SIPA1L1: variants seen among roughly 807,000 people sequenced by gnomAD.
SIPA1L1 encodes signal induced proliferation associated 1 like 1.
SIPA1L1 carries 26 observed loss-of-function variants against 162.7 expected under a neutral mutation model. The observed-to-expected ratio is 0.16, with a 90% CI of 0.12 to 0.22. The LOEUF is 0.22. SIPA1L1 is among the 10% of genes least tolerant of loss of function. SIPA1L1 has a pLI of 1.00. For synonymous variants in SIPA1L1, 829 were observed against 837.4 expected, an observed-to-expected ratio of 0.99 and a Z score of 0.17; for missense variants, 1,874 against 2,241.0, an observed-to-expected ratio of 0.84 and a Z score of 3.31.
At chr14:71,733,626 C>T in intron 20 of SIPA1L1, 40 bp from the exon 21 acceptor site, 1 of 1,600,634 alleles carries the variant, frequency 6.2e-7, no homozygotes. Context: ...GGCTCTTCCA[C>T]AGGCACAAGA....
chr14:71,705,188 T>C (rs1461666270), intron 15 of SIPA1L1, 34 bp from the exon 16 acceptor site: 3 of 1,458,674 alleles, frequency 2.1e-6, no homozygotes, highest in Non-Finnish European at 1.9e-6. Context: ...TTCTGCTTAG[T>C]GCCTGCACCA....
Position 71,660,032 on chromosome 14 carries a change from G to GA in SIPA1L1, c.2098-1273dup, listed in dbSNP as rs527951263. ...TTTTCATTATATGTAGTATAAGATG[G>GA]AAAAATGGATTTGTTTCTATTTGGG... is the stretch of plus-strand genomic sequence containing the variant. On this transcript the variant is annotated intron_variant, in intron 9 of 23. Coordinates refer to ENST00000381232, the MANE Select transcript of SIPA1L1 (RefSeq NM_001386936.1). 6.2e-4 allele frequency among the ~76,000 whole-genome samples: 94 copies of GA among 151,960 alleles called. 1 individual carries two copies. The highest frequency in any genetic ancestry group is 2.1e-3 in the African/African-American group (87 of 41,482).
chr14:71,519,101 A>T (rs1157268077), intron 3 of SIPA1L1, among the ~76,000 whole-genome samples: 4 of 152,092 alleles, frequency 2.6e-5, no homozygotes, highest in Non-Finnish European at 5.9e-5. Flanking sequence ...TTCAGTGGGG[A>T]CACAGTCAAA....
intron 5 of SIPA1L1, among the ~76,000 whole-genome samples, chr14:71,599,403 C>T (rs375966869): frequency 1.5e-4 from 22 of 151,132 alleles, no homozygotes; most frequent in Admixed American, 3.3e-4. Context: ...CCACCCGCCT[C>T]GGCCTCGCAA....
chr14:71,509,132 C>T (rs1452521244), intron 2 of SIPA1L1, among the ~76,000 whole-genome samples: 1 of 152,156 alleles, frequency 6.6e-6, no homozygotes, highest in East Asian at 1.9e-4. Flanking sequence ...TCTCTTGGCC[C>T]TATGGGGTTT....
intron 2 of SIPA1L1, among the ~76,000 whole-genome samples, chr14:71,337,887 A>G (rs1009310078): frequency 6.6e-6 from 1 of 152,188 alleles, no homozygotes; most frequent in African/African-American, 2.4e-5. Context: ...TCGAGGCTGC[A>G]GTGAGCAGAG....
At chr14:71,390,553 A>G (rs2040664275) in intron 2 of SIPA1L1, among the ~76,000 whole-genome samples, 1 of 152,146 alleles carries the variant, frequency 6.6e-6, no homozygotes, top group Non-Finnish European at 1.5e-5. Context: ...AGGGAGGTGG[A>G]TCATTTGAGC....
chr14:71,330,769 G>A, intron 2 of SIPA1L1: 4 of 764,726 alleles, frequency 5.2e-6, no homozygotes, highest in Non-Finnish European at 9.6e-6. Flanking sequence ...CTCGGGCAAG[G>A]CCCAGTGGGC....
At chr14:71,382,263 A>G (rs188449117) in intron 2 of SIPA1L1, among the ~76,000 whole-genome samples, 159 of 152,332 alleles carry the variant, frequency 1.0e-3, no homozygotes, top group African/African-American at 3.6e-3. Flanking sequence ...TAAGAATTCT[A>G]TGTAGTTTGG....
chr14:71,370,046 C>CT (rs1356079127), intron 2 of SIPA1L1, among the ~76,000 whole-genome samples: 1 of 132,590 alleles, frequency 7.5e-6, no homozygotes, highest in African/African-American at 2.8e-5. Flanking sequence ...TGCTTATCAG[C>CT]TTAAGGAGAT....
chr14:71,616,882 G>A (rs2038901757), intron 5 of SIPA1L1, among the ~76,000 whole-genome samples: 1 of 152,110 alleles, frequency 6.6e-6, no homozygotes, highest in Non-Finnish European at 1.5e-5. Flanking sequence ...CTATATCTGG[G>A]AATTTCTCCA....
At chr14:71,637,132 GCA>G in intron 7 of SIPA1L1, among the ~76,000 whole-genome samples, 1 of 147,160 alleles carries the variant, frequency 6.8e-6, no homozygotes, top group African/African-American at 2.5e-5. Flanking sequence ...TCCTGTGTGT[GCA>G]CGCGTGCACA....
At chr14:71,722,153 G>A (rs1173531173) in intron 17 of SIPA1L1, among the ~76,000 whole-genome samples, 1 of 152,184 alleles carries the variant, frequency 6.6e-6, no homozygotes, top group Non-Finnish European at 1.5e-5. Flanking sequence ...GGCGATGCAG[G>A]ACCATCTTTC....
chr14:71,602,550 T>C (rs2036900625), intron 5 of SIPA1L1, among the ~76,000 whole-genome samples: 1 of 152,244 alleles, frequency 6.6e-6, no homozygotes. Flanking sequence ...GAATGAAATA[T>C]ATTCTGTAAA....
intron 13 of SIPA1L1, among the ~76,000 whole-genome samples, chr14:71,694,578 T>C (rs933228468): frequency 1.3e-5 from 2 of 152,192 alleles, no homozygotes; most frequent in Non-Finnish European, 2.9e-5. Flanking sequence ...TGTTTAGTTA[T>C]TTCTTGACTA....
chr14:71,468,005 GGTGTGTGT>G (rs56265408), intron 2 of SIPA1L1, among the ~76,000 whole-genome samples: 2,184 of 141,704 alleles, frequency 0.015, 25 homozygotes, highest in Middle Eastern at 0.06. Context: ...CAGTTAGAGG[GGTGTGTGT>G]GTGTGTGTGT....
At chr14:71,502,072 C>CTT (rs578226783) in intron 2 of SIPA1L1, among the ~76,000 whole-genome samples, 3 of 133,446 alleles carry the variant, frequency 2.2e-5, no homozygotes, top group Non-Finnish European at 3.2e-5. Context: ...TTGAACATAG[C>CTT]TTTTTTTTTT....
chr14:71,456,588 A>G (rs1417543513), intron 2 of SIPA1L1, among the ~76,000 whole-genome samples: 4 of 152,308 alleles, frequency 2.6e-5, no homozygotes, highest in South Asian at 4.1e-4. Context: ...TGGCAACTCT[A>G]TATTACTTTG....
intron 7 of SIPA1L1, among the ~76,000 whole-genome samples, chr14:71,637,135 C>T (rs2041233500): frequency 1.4e-5 from 2 of 146,744 alleles, no homozygotes; most frequent in South Asian, 2.2e-4. Context: ...TGTGTGTGCA[C>T]GCGTGCACAC....
Sources: allele counts gnomAD v4.1 joint callset (sites outside exome capture counted in the v4.1 genomes callset), GRCh38; gene constraint gnomAD v4.1.1; transcripts MANE v1.5; gene names NCBI Gene and HGNC (gene_info 2026-07-23, HGNC 2026-07-21).